The following MCTP1 variants were observed in gnomAD, a reference collection of about 807,000 sequenced individuals.
MCTP1 encodes multiple C2 and transmembrane domain-containing protein 1.
Under a neutral mutation model 120.6 loss-of-function variants are expected in MCTP1, and 69 were observed. The observed-to-expected ratio is 0.57, with a 90% CI of 0.47 to 0.70. The LOEUF is 0.70. Among genes scored for constraint, MCTP1 ranks in the 30% least tolerant of loss-of-function variants. MCTP1 has a pLI of 0.00. For missense variants in MCTP1, 1,203 were observed against 1,248.8 expected (o/e 0.96, Z 0.55); for synonymous variants, 529 against 493.1 (o/e 1.07, Z -0.96).
At chr5:95,039,951 CA>C (rs1350562846) in intron 1 of MCTP1, among the ~76,000 whole-genome samples, 7 of 143,520 alleles carry the variant, frequency 4.9e-5, no homozygotes, top group African/African-American at 1.8e-4. Flanking sequence ...GAGTAGATAA[CA>C]CTAGGTGTCA....
chr5:94,912,349 C>T (rs990345051), intron 9 of MCTP1, among the ~76,000 whole-genome samples: 25 of 142,396 alleles, frequency 1.8e-4, no homozygotes, highest in Middle Eastern at 3.5e-3. Context: ...TGCTTGAACC[C>T]GGGAGTCGGA....
intron 1 of MCTP1, among the ~76,000 whole-genome samples, chr5:95,234,991 C>T (rs1391064229): frequency 6.6e-6 from 1 of 151,964 alleles, no homozygotes; most frequent in Admixed American, 6.6e-5. Context: ...TTCTATGAAG[C>T]CATTATTTCC....
At chr5:94,874,816 G>T (rs1798504774) in intron 12 of MCTP1, among the ~76,000 whole-genome samples, 1 of 152,062 alleles carries the variant, frequency 6.6e-6, no homozygotes, top group Admixed American at 6.6e-5. Context: ...ACGGAATTCA[G>T]ATATAAGCAT....
Position 95,121,027 on chromosome 5 carries a change from C to T in MCTP1, c.721-103543G>A, listed in dbSNP as rs536058688. ...GGCGCGGTGGCTCATGCCTGTAATC[C>T]TAGCACTTTGTCAGGCCAAGGTGGG... On this transcript the variant is annotated intron_variant, in intron 1 of 22. Transcript: ENST00000515393. 2.6e-5 allele frequency among the ~76,000 whole-genome samples: 4 copies of T among 152,174 alleles called. No individual in the cohort carries two copies. In the South Asian group the frequency reaches 6.2e-4, roughly 24 times the overall value.
chr5:94,832,007 T>C lies in MCTP1; in HGVS notation c.2437-32875A>G, dbSNP rs191416735. On this transcript the variant is annotated intron_variant, in intron 17 of 22. Coordinates refer to ENST00000515393, the MANE Select transcript of MCTP1 (RefSeq NM_024717.7). ...GAAACGCTTCTACGGAATCCTTTAC[T>C]GATCAAGTAGCAACCTAGGACAAGC... Among the ~76,000 whole-genome samples, 409 of 152,346 alleles carry C rather than the reference T, an allele frequency of 2.7e-3. 3 individuals carry two copies. Among genetic ancestry groups the C allele is most frequent in the Non-Finnish European group, 3.5e-3 (240 of 68,024 alleles).
chr5:94,979,542 G>A (rs1413867227), intron 2 of MCTP1: 2 of 151,990 alleles, frequency 1.3e-5, no homozygotes, highest in South Asian at 2.1e-4. Context: ...TATAGCTTCC[G>A]GCCTCCTTTA....
intron 1 of MCTP1, among the ~76,000 whole-genome samples, chr5:95,184,424 A>C (rs1331566952): frequency 6.6e-6 from 1 of 152,198 alleles, no homozygotes; most frequent in African/African-American, 2.4e-5. Context: ...CCTTTGCAAA[A>C]TTATAACTGA....
rs575942022 is a variant in MCTP1 at position 94,872,367 on chromosome 5, C to G, written c.2036+772G>C. On this transcript the variant is annotated intron_variant, in intron 13 of 22. Transcript: ENST00000515393. The stretch of plus-strand genomic sequence containing the variant: ...TATCTCTTATAAAAATGTGGAATTC[C>G]TTAAAAATAAATTGGCCAGACAGTT... Among the ~76,000 whole-genome samples, 3 of 152,078 alleles carry G rather than the reference C, an allele frequency of 2.0e-5. No homozygotes were observed. In the East Asian group the frequency reaches 5.8e-4, roughly 29 times the overall value.
intron 1 of MCTP1, among the ~76,000 whole-genome samples, chr5:95,206,623 C>T (rs986338594): frequency 2.6e-5 from 4 of 152,094 alleles, no homozygotes; most frequent in African/African-American, 7.2e-5. Context: ...CAACTTCCGC[C>T]TCTCGGATTC....
chr5:94,726,538 T>C (rs1162592049), intron 19 of MCTP1, among the ~76,000 whole-genome samples: 1 of 151,744 alleles, frequency 6.6e-6, no homozygotes, highest in Non-Finnish European at 1.5e-5. Flanking sequence ...GTCTTTTGTA[T>C]AAGTTACAAA....
In MCTP1 at chr5:94,707,249, TTA is replaced by T. The variant is rs1251255581; in HGVS notation, c.*245_*246del. The T allele has an allele frequency of 2.5e-6, 1 of 397,852 alleles. No homozygotes were observed. The highest frequency in any genetic ancestry group is 4.5e-6 in the Non-Finnish European group (1 of 222,592). The allele number at this position is 397,852 out of a possible 1,614,324, so 24.6% of individuals were successfully genotyped here. Reference sequence around the variant, plus strand: ...TTCTTATATTTGTTCTTTCAGTGTGTTATATTATTATCCACAGCTAACAAGGT... The same window carrying T: ...TTCTTATATTTGTTCTTTCAGTGTGTTATTATTATCCACAGCTAACAAGGT... On this transcript the variant is annotated 3_prime_UTR_variant, in exon 23 of 23. Transcript: ENST00000515393.
intron 18 of MCTP1, chr5:94,788,949 G>A (rs188933056): frequency 6.6e-6 from 1 of 152,298 alleles, no homozygotes; most frequent in African/African-American, 2.4e-5. Flanking sequence ...TGAATTCTTT[G>A]GATCCATGGA....
rs556997744 is a variant in MCTP1, at chr5:95,247,320, T to G, written c.720+36536A>C. Among the ~76,000 whole-genome samples the G allele has an allele frequency of 1.9e-4, 29 of 152,318 alleles. No individual in the cohort carries two copies. In the East Asian group the frequency reaches 5.4e-3, roughly 28 times the overall value. ...AGTCTTGCTAGTGGTCTACCTATTT[T>G]GTTTATCTTTTCAAAAAACCAGCTC... On this transcript the variant is annotated intron_variant, in intron 1 of 22. Coordinates refer to ENST00000515393, the MANE Select transcript of MCTP1 (RefSeq NM_024717.7).
chr5:94,979,147 C>T (rs67047677), intron 2 of MCTP1: 44,627 of 151,840 alleles, frequency 0.29, 6,552 homozygotes, highest in South Asian at 0.36. Flanking sequence ...TCTTCCCAGA[C>T]AGAAAAGTTC....
intron 1 of MCTP1, among the ~76,000 whole-genome samples, chr5:95,276,953 A>G (rs572824510): frequency 9.1e-4 from 138 of 152,012 alleles, no homozygotes; most frequent in African/African-American, 3.2e-3. Flanking sequence ...CTCGGTCTCA[A>G]AAAACAAACA....
At chr5:95,212,276 A>C (rs1752475940) in intron 1 of MCTP1, among the ~76,000 whole-genome samples, 1 of 152,218 alleles carries the variant, frequency 6.6e-6, no homozygotes, top group Non-Finnish European at 1.5e-5. Context: ...GAATGGATAA[A>C]TTCCTCCACA....
chr5:94,912,678 G>T, intron 9 of MCTP1, 128 bp downstream of exon 9: 1 of 699,696 alleles, frequency 1.4e-6, no homozygotes, highest in Non-Finnish European at 2.2e-6. Flanking sequence ...CTTGTTTTCT[G>T]ACATGGTGTT....
chr5:95,245,623 GA>G (rs58685073), intron 1 of MCTP1, among the ~76,000 whole-genome samples: 23,504 of 141,740 alleles, frequency 0.17, 1,941 homozygotes, highest in Non-Finnish European at 0.2. Flanking sequence ...GACAAGATTA[GA>G]AAAAAAAAAA....
chr5:94,906,733 A>C (rs1191445803), intron 10 of MCTP1, among the ~76,000 whole-genome samples: 4 of 152,226 alleles, frequency 2.6e-5, no homozygotes, highest in Non-Finnish European at 4.4e-5. Flanking sequence ...GTCTATATAG[A>C]TAATGTAATC....
Sources: allele counts gnomAD v4.1 joint callset (sites outside exome capture counted in the v4.1 genomes callset), GRCh38; gene constraint gnomAD v4.1.1; transcripts MANE v1.5; gene names NCBI Gene and HGNC (gene_info 2026-07-23, HGNC 2026-07-21).